The following ABCA2 variants were observed in gnomAD, a reference collection of about 807,000 sequenced individuals.
ABCA2 encodes ATP binding cassette subfamily A member 2.
A neutral mutation model predicts 262.8 loss-of-function variants in ABCA2; 84 were observed. The observed-to-expected ratio is 0.32, with a 90% CI of 0.27 to 0.38. ABCA2 has a LOEUF of 0.38. Ranked by LOEUF, ABCA2 falls within the 10% of genes least tolerant of loss-of-function variation. The pLI is 1.00. For synonymous variants in ABCA2, 1,696 were observed against 1,502.9 expected (o/e 1.13, Z -2.97); for missense variants, 2,662 against 3,405.9 (o/e 0.78, Z 5.44).
At chr9:137,028,892 C>G (rs778317350), upstream of ABCA2, 1 of 1,311,006 alleles carries the variant, frequency 7.6e-7, no homozygotes, top group Non-Finnish European at 1.0e-6. This position sits in a 1 kb window ranked among gnomAD's most constrained non-coding sequence, Gnocchi z 6.9. Flanking sequence ...AGTCTGGTCT[C>G]TGCACAGGGA....
In ABCA2 at chr9:137,009,989, C is replaced by A; in HGVS notation, c.6489G>T (p.Glu2163Asp). ...TRLRGISWKD[E>D]ARVVKWALEK... ...CCGCCCCACAGATCCTCACCCGGGC[C>A]TCGTCCTTCCAGGAGATCCCACGCA... Residue 2163 changes from glutamate to aspartate, a missense_variant, in exon 42 of 49, where the codon GAG (glutamate) becomes GAT (aspartate). Physicochemically the swap from Glu to Asp is conservative, Grantham distance 45. This residue lies in a region of ABCA2 where 602 missense variants were observed against 897.4 expected (regional missense o/e 0.67). Coordinates refer to ENST00000341511, the MANE Select transcript of ABCA2 (RefSeq NM_001606.5). 6.3e-7 allele frequency: 1 copy of A among 1,597,052 alleles called. No individual in the cohort carries two copies. Among genetic ancestry groups the A allele is most frequent in the East Asian group, 2.3e-5 (1 of 43,978 alleles).
chr9:137,022,707 G>C lies in ABCA2; in HGVS notation c.434C>G (p.Ser145Cys). ...PGTSGSHLDR[S>C]TVSSFSLDSV... ...CTTCCCTGCACAGGGCACACCTGTGGATCTGTCCAGGTGGCTCCCCGAGGT... is the reference window on the plus strand; with the variant it reads ...CTTCCCTGCACAGGGCACACCTGTGCATCTGTCCAGGTGGCTCCCCGAGGT... The change falls in exon 5 of 49, where the codon TCC becomes TGC. Residue 145 changes from serine to cysteine, a missense_variant. By Grantham distance (112) the Ser-to-Cys change is moderately radical. Around this residue, in one of 12 missense-constraint regions of ABCA2, gnomAD observed 403 missense variants for 375.9 expected, o/e 1.07. Coordinates refer to ENST00000341511, the MANE Select transcript of ABCA2 (RefSeq NM_001606.5). 1 of 1,605,634 alleles carries C rather than the reference G, an allele frequency of 6.2e-7. No homozygotes were observed. The highest frequency in any genetic ancestry group is 8.5e-7 in the Non-Finnish European group (1 of 1,178,218).
Position 137,016,645 on chromosome 9 carries a change from G to A in ABCA2, c.2852C>T (p.Pro951Leu), listed in dbSNP as rs750426397. 19 of 1,608,850 alleles carry A rather than the reference G, an allele frequency of 1.2e-5. 1 individual carries two copies. The highest frequency in any genetic ancestry group is 1.1e-4 in the South Asian group (10 of 90,768). The change falls in exon 20 of 49, where the codon CCG becomes CTG. Residue 951 changes from proline (P) to leucine (L), a missense_variant. Pro to Leu is a moderately conservative substitution (Grantham distance 98, BLOSUM62 -3). Around this residue, in one of 12 missense-constraint regions of ABCA2, gnomAD observed 133 missense variants for 150.8 expected, o/e 0.88. Transcript: ENST00000341511. Reference sequence around the variant, plus strand: ...ACTGAGGCGGGGGGTGCGTGCCCACGGCCAGCTCCACTCCCAGGCTTCTGT... The same window carrying A: ...ACTGAGGCGGGGGGTGCGTGCCCACAGCCAGCTCCACTCCCAGGCTTCTGT... ...GRTEAWEWSW[P>L]WARTPRLSVM...
At position 137,015,658 on chromosome 9, in the gene ABCA2, C is replaced by T. The variant is rs761999761; in HGVS notation, c.3514+17G>A. 1.2e-6 allele frequency: 2 copies of T among 1,609,438 alleles called. No individual in the cohort carries two copies. Among genetic ancestry groups the T allele is most frequent in the South Asian group, 2.2e-5 (2 of 90,750 alleles). ...GAGGCGCCGCCCGCACCCCTGCCCA[C>T]ACGGCACCCCACTCACCTGGCTTGT... On this transcript the variant is annotated intron_variant, in intron 23 of 48. Transcript: ENST00000341511.
In ABCA2 at chr9:137,021,741, C is replaced by T. The variant is rs1256449142; in HGVS notation, c.679-131G>A. On this transcript the variant is annotated intron_variant, in intron 7 of 48. Coordinates refer to ENST00000341511, the MANE Select transcript of ABCA2 (RefSeq NM_001606.5). The surrounding 1 kb of genome is among the most constrained non-coding windows in gnomAD (Gnocchi z 6.0). ...CCTGGGTCCCACGACATGCCTCTAC[C>T]CCTCATGCCTGCCATAGACCCCTGG... The T allele has an allele frequency of 3.8e-5, 46 of 1,226,588 alleles. No individual in the cohort carries two copies. Among genetic ancestry groups the T allele is most frequent in the Non-Finnish European group, 5.2e-5 (45 of 872,972 alleles). 76.0% of individuals were successfully genotyped at this position (1,226,588 alleles called of 1,614,324 possible). A position where few individuals can be genotyped will look rare whatever the true frequency, so the allele number is the denominator to read the frequency against.
In ABCA2 at chr9:137,018,090, A is replaced by G; in HGVS notation, c.1994-15T>C. 6.2e-7 allele frequency: 1 copy of G among 1,611,656 alleles called. No homozygotes were observed. The highest frequency in any genetic ancestry group is 1.1e-5 in the South Asian group (1 of 90,990). ...CTCCATCATGTCTGTGGGTGGGGGC[A>G]GCCATCAGGTGCCGGGCAGGCCCTC... is the stretch of plus-strand genomic sequence containing the variant. On this transcript the variant is annotated splice_polypyrimidine_tract_variant and intron_variant, in intron 14 of 48. Coordinates refer to ENST00000341511, the MANE Select transcript of ABCA2 (RefSeq NM_001606.5).
chr9:137,011,377 G>A lies in ABCA2; in HGVS notation c.5799+30C>T, dbSNP rs761935393. On this transcript the variant is annotated intron_variant, in intron 37 of 48. Transcript: ENST00000341511. This position sits in a 1 kb window ranked among gnomAD's most constrained non-coding sequence, Gnocchi z 8.8. ...GAGGGGCACAGCCTCCGCAGGGTCC[G>A]CCACCCCCACCATGTCGTCACCGCC... is the stretch of plus-strand genomic sequence containing the variant. 2.1e-5 allele frequency: 34 copies of A among 1,606,964 alleles called. No individual in the cohort carries two copies. The highest frequency in any genetic ancestry group is 2.6e-5 in the Non-Finnish European group (31 of 1,177,012).
chr9:137,028,693 AC>A, upstream of ABCA2: 33 of 1,222,268 alleles, frequency 2.7e-5, no homozygotes, highest in Non-Finnish European at 3.4e-5. The surrounding 1 kb of genome is among the most constrained non-coding windows in gnomAD (Gnocchi z 6.9). Context: ...GTAAACCAGC[AC>A]TTGGAGTCCA....
intron 32 of ABCA2, 23 bp from the exon 33 acceptor site, chr9:137,012,399 A>G: frequency 6.2e-7 from 1 of 1,610,026 alleles, no homozygotes; most frequent in Non-Finnish European, 8.5e-7. Context: ...GAGGACACAG[A>G]AAGGCCCCAG....
In ABCA2 at chr9:137,007,690, G is replaced by A. The variant is rs1830881715; in HGVS notation, c.*239C>T. 1 of 597,612 alleles carries A rather than the reference G, an allele frequency of 1.7e-6. No homozygotes were observed. The highest frequency in any genetic ancestry group is 2.9e-6 in the Non-Finnish European group (1 of 339,228). 37.0% of individuals were successfully genotyped at this position (597,612 alleles called of 1,614,324 possible). On this transcript the variant is annotated 3_prime_UTR_variant, in exon 49 of 49. Coordinates refer to ENST00000341511, the MANE Select transcript of ABCA2 (RefSeq NM_001606.5). Reference sequence around the variant, plus strand: ...GCAGACCCCGAGGCTTTAAGGCAAAGCAGGGCAAGGGTGTACGCAGCCCGG... The same window carrying A: ...GCAGACCCCGAGGCTTTAAGGCAAAACAGGGCAAGGGTGTACGCAGCCCGG...
chr9:137,016,527 T>A (rs1831265346), intron 20 of ABCA2, 47 bp downstream of exon 20: 1 of 1,612,250 alleles, frequency 6.2e-7, no homozygotes, highest in South Asian at 1.1e-5. Context: ...CACCCAGGAC[T>A]CTGAACCCAG....
At position 137,018,997 on chromosome 9, in the gene ABCA2, T is replaced by C. The variant is rs779614245; in HGVS notation, c.1628A>G (p.Gln543Arg). The C allele has an allele frequency of 1.9e-6, 3 of 1,613,004 alleles. No individual in the cohort carries two copies. Among genetic ancestry groups the C allele is most frequent in the East Asian group, 2.2e-5 (1 of 44,882 alleles). Residue 543 changes from glutamine to arginine, a missense_variant, in exon 12 of 49, where the codon CAG becomes CGG. Transcript: ENST00000341511. ...SLDELPPALR[Q>R]DNFSLPSGMA... is the part of the protein sequence containing the mutation. ...GCCACTGGGCAGCGAGAAGTTGTCC[T>C]GTCTCAGGGCCGGCGGCAGCTCATC...
rs1225146332 is a variant in ABCA2, at chr9:137,014,439, G to A, written c.4004-35C>T. ...TGGAAGGGCCGAGGGGACACTCAGG[G>A]CTACTGGCCCCTAGGCCTGCCCAGG... On this transcript the variant is annotated intron_variant, in intron 26 of 48. Transcript: ENST00000341511. The A allele has an allele frequency of 3.2e-6, 5 of 1,549,302 alleles. No individual in the cohort carries two copies. The Admixed American group carries it at 9.4e-5, about 29-fold the overall frequency.
At chr9:137,015,926 CGCCCACCTG>C in intron 22 of ABCA2, 27 bp downstream of exon 22, 1 of 1,575,040 alleles carries the variant, frequency 6.3e-7, no homozygotes, top group Non-Finnish European at 8.6e-7. Context: ...CCAGGGCCTC[CGCCCACCTG>C]CCCCGCCCCC....
rs374224145 is a variant in ABCA2, at chr9:137,009,450, G to A, written c.6747C>T (p.Cys2249=). 8.7e-6 allele frequency: 14 copies of A among 1,610,146 alleles called. No homozygotes were observed. Among genetic ancestry groups the A allele is most frequent in the Admixed American group, 6.7e-5 (4 of 59,940 alleles). ...VVLTSHSMEE[C]EALCTRLAIM... Reference sequence around the variant, plus strand: ...TGGCCAGCCGCGTGCACAGCGCCTCGCACTCCTCCATGCTGTGGGACATGC... The same window carrying A: ...TGGCCAGCCGCGTGCACAGCGCCTCACACTCCTCCATGCTGTGGGACATGC... Residue 2249 remains cysteine (C), a synonymous_variant, in exon 45 of 49, where the codon TGC becomes TGT. Coordinates refer to ENST00000341511, the MANE Select transcript of ABCA2 (RefSeq NM_001606.5).
chr9:137,016,188 CG>C lies in ABCA2; in HGVS notation c.3105-15del. 1 of 1,612,260 alleles carries C rather than the reference CG, an allele frequency of 6.2e-7. No individual in the cohort carries two copies. Among genetic ancestry groups the C allele is most frequent in the Non-Finnish European group, 8.5e-7 (1 of 1,179,682 alleles). ...GTCAGGATGGACCTGGGTAGGTGGG[CG>C]GGGTCATGACCCCACGCCCTCTGCA... On this transcript the variant is annotated splice_polypyrimidine_tract_variant and intron_variant, in intron 21 of 48. Coordinates refer to ENST00000341511, the MANE Select transcript of ABCA2 (RefSeq NM_001606.5).
At chr9:137,009,108 C>T in intron 45 of ABCA2, 55 bp from the exon 46 acceptor site, 3 of 1,532,838 alleles carry the variant, frequency 2.0e-6, no homozygotes, top group East Asian at 2.3e-5. Flanking sequence ...AGAGCCCCAG[C>T]CCCCCAGCCT....
Position 137,020,317 on chromosome 9 carries a change from G to A in ABCA2, c.1425+19C>T. 6.2e-7 allele frequency: 1 copy of A among 1,611,032 alleles called. No individual in the cohort carries two copies. The highest frequency in any genetic ancestry group is 1.1e-5 in the South Asian group (1 of 91,074). On this transcript the variant is annotated intron_variant, in intron 10 of 48. Transcript: ENST00000341511. ...TCCCACTCTGCCTGTCAAACATGGA[G>A]CGTCCCAGACCCGTGCACCTTGAGG...
rs543233529 is a variant in ABCA2 at position 137,014,411 on chromosome 9, C to A, written c.4004-7G>T. 4 of 1,581,546 alleles carry A rather than the reference C, an allele frequency of 2.5e-6. No homozygotes were observed. The South Asian group carries it at 4.6e-5, about 18-fold the overall frequency. ...TTCCTGGACTCCTTCACATCTGCCGCAGTGGAAGGGCCGAGGGGACACTCA... is the reference window on the plus strand; with the variant it reads ...TTCCTGGACTCCTTCACATCTGCCGAAGTGGAAGGGCCGAGGGGACACTCA... On this transcript the variant is annotated splice_polypyrimidine_tract_variant and splice_region_variant and intron_variant, in intron 26 of 48. Coordinates refer to ENST00000341511, the MANE Select transcript of ABCA2 (RefSeq NM_001606.5).
Sources: allele counts gnomAD v4.1 joint callset, GRCh38; gene constraint gnomAD v4.1.1; regional missense constraint gnomAD v4.1.1; non-coding constraint Gnocchi (gnomAD v3.1); transcripts MANE v1.5; gene names NCBI Gene and HGNC (gene_info 2026-07-23, HGNC 2026-07-21).